The following EFCAB8 variants were observed in gnomAD, a reference collection of about 807,000 sequenced individuals.
The protein encoded by EFCAB8 is EF-hand calcium-binding domain-containing protein 8.
A neutral mutation model predicts 116.3 loss-of-function variants in EFCAB8; 100 were observed. The ratio of observed to expected loss-of-function variants is 0.86; its 90% CI spans 0.73 to 1.02. EFCAB8 has a LOEUF of 1.02. Among genes scored for constraint, EFCAB8 ranks in the 50% least tolerant of loss-of-function variants. EFCAB8 has a pLI of 0.00. For synonymous variants in EFCAB8, 558 were observed against 567.9 expected (o/e 0.98, Z 0.25); for missense variants, 1,320 against 1,416.9 (o/e 0.93, Z 1.10).
intron 9 of EFCAB8, 130 bp downstream of exon 9, chr20:32,893,428 C>A: frequency 2.2e-6 from 3 of 1,361,462 alleles, no homozygotes; most frequent in South Asian, 2.9e-5. Context: ...CGTCTGCTTC[C>A]AAGCGCAGGG....
rs1187822355 is a variant in EFCAB8 at position 32,961,089 on chromosome 20, G to A, written c.3394-47G>A. On this transcript the variant is annotated intron_variant, in intron 26 of 26. Coordinates refer to ENST00000400522, the MANE Select transcript of EFCAB8 (RefSeq NM_001143967.2). ...TCTACTCTTGATCCTGGGTGTCCCC[G>A]GCTCCAACTGGTGCCCCATTCCCGC... is the stretch of plus-strand genomic sequence containing the variant. The A allele has an allele frequency of 6.7e-6, 10 of 1,503,352 alleles. No individual in the cohort carries two copies. The Admixed American group carries it at 7.9e-5, about 12-fold the overall frequency. 93.1% of individuals were successfully genotyped at this position (1,503,352 alleles called of 1,614,324 possible).
chr20:32,903,426 C>T (rs1241369757), intron 11 of EFCAB8: 1 of 152,272 alleles, frequency 6.6e-6, no homozygotes, highest in East Asian at 1.9e-4. Flanking sequence ...TTCTGTGTGT[C>T]CACTTCCTCC....
At chr20:32,925,511 G>A (rs1987636441) in intron 20 of EFCAB8, among the ~76,000 whole-genome samples, 1 of 152,200 alleles carries the variant, frequency 6.6e-6, no homozygotes, top group Admixed American at 6.5e-5. Context: ...AAGCCACCAC[G>A]CCTAGCTAAT....
chr20:32,918,285 G>A (rs1987282183), intron 18 of EFCAB8, 77 bp from the exon 19 acceptor site: 1 of 1,417,964 alleles, frequency 7.1e-7, no homozygotes, highest in African/African-American at 1.4e-5. Context: ...CTGTGGTGTT[G>A]GCATTGATCT....
chr20:32,915,017 C>A (rs747445951), intron 17 of EFCAB8, among the ~76,000 whole-genome samples: 68 of 152,098 alleles, frequency 4.5e-4, no homozygotes, highest in Non-Finnish European at 7.2e-4. Context: ...CCCACCCCAG[C>A]CTCCAGAGTA....
At chr20:32,908,126 G>C (rs1025793608) in intron 13 of EFCAB8, 149 bp from the exon 14 acceptor site, 3 of 700,594 alleles carry the variant, frequency 4.3e-6, no homozygotes, top group Non-Finnish European at 6.0e-6. Flanking sequence ...TGCTGGGTGT[G>C]ACGGTGCCAA....
rs1441401538 is a variant in EFCAB8 at position 32,920,152 on chromosome 20, T to C, written c.2349T>C (p.Asp783=). ...GCAAACAGTCCATTTACAAAGAGGA[T>C]GAAACGAGAAAAGGAGAATGGCAGA... ...IHSKQSIYKE[D]ETRKGEWQKN... Residue 783 remains aspartate, a synonymous_variant, in exon 20 of 27, where the codon GAT becomes GAC. Coordinates refer to ENST00000400522, the MANE Select transcript of EFCAB8 (RefSeq NM_001143967.2). 3 of 1,551,584 alleles carry C rather than the reference T, an allele frequency of 1.9e-6. No individual in the cohort carries two copies. Among genetic ancestry groups the C allele is most frequent in the East Asian group, 4.9e-5 (2 of 40,914 alleles).
At chr20:32,908,204 C>T (rs1261415479) in intron 13 of EFCAB8, 71 bp from the exon 14 acceptor site, 10 of 1,242,986 alleles carry the variant, frequency 8.0e-6, no homozygotes, top group Non-Finnish European at 9.1e-6. Context: ...CGGAGGCACC[C>T]CCGAGGCTTC....
chr20:32,943,025 C>T (rs865950189), intron 22 of EFCAB8, among the ~76,000 whole-genome samples: 1 of 152,044 alleles, frequency 6.6e-6, no homozygotes, highest in Non-Finnish European at 1.5e-5. Context: ...CGAATAAGTC[C>T]TCCTTTATTA....
intron 22 of EFCAB8, among the ~76,000 whole-genome samples, chr20:32,934,287 T>TTC (rs1555867807): frequency 6.6e-6 from 1 of 151,988 alleles, no homozygotes; most frequent in Non-Finnish European, 1.5e-5. Flanking sequence ...GGATTTTTTT[T>TTC]CTCTTTTAAG....
chr20:32,960,276 C>T (rs1222573778), intron 26 of EFCAB8, 115 bp downstream of exon 26: 1 of 970,190 alleles, frequency 1.0e-6, no homozygotes, highest in Non-Finnish European at 1.6e-6. Flanking sequence ...GGACAGGAGC[C>T]TTTGTCCTTT....
Position 32,865,782 on chromosome 20 carries a change from G to A in EFCAB8, c.43-1800G>A, listed in dbSNP as rs1290219544. On this transcript the variant is annotated intron_variant, in intron 2 of 26. Transcript: ENST00000400522. ...CCACGCTCCAGCTGGGTGACAGAGT[G>A]AGACTCTGTCTCAAAAAAAAAAAAA... Among the ~76,000 whole-genome samples the A allele has an allele frequency of 3.3e-5, 5 of 149,546 alleles. No individual in the cohort carries two copies. The East Asian group carries it at 1.0e-3, about 30-fold the overall frequency.
intron 20 of EFCAB8, among the ~76,000 whole-genome samples, chr20:32,923,977 G>T (rs564311933): frequency 5.9e-5 from 9 of 152,296 alleles, no homozygotes; most frequent in African/African-American, 2.2e-4. Flanking sequence ...TTGCTATCTT[G>T]CATTATGTTT....
intron 5 of EFCAB8, among the ~76,000 whole-genome samples, chr20:32,879,867 G>C (rs1230561539): frequency 6.6e-6 from 1 of 152,118 alleles, no homozygotes; most frequent in Non-Finnish European, 1.5e-5. Flanking sequence ...TGCCCTATTT[G>C]GGGGTAGCAT....
intron 7 of EFCAB8, among the ~76,000 whole-genome samples, 185 bp downstream of exon 7, chr20:32,889,591 G>A (rs6058937): frequency 0.58 from 88,201 of 151,920 alleles, 27,224 homozygotes; most frequent in Middle Eastern, 0.73. Context: ...AATGAATACA[G>A]TGATGTTGAA....
In EFCAB8 at chr20:32,906,586, A is replaced by G. The variant is rs1407104687; in HGVS notation, c.1113A>G (p.Lys371=). 1 of 718,518 alleles carries G rather than the reference A, an allele frequency of 1.4e-6. No homozygotes were observed. The highest frequency in any genetic ancestry group is 1.5e-5 in the South Asian group (1 of 67,604). 44.5% of individuals were successfully genotyped at this position (718,518 alleles called of 1,614,324 possible). ...KPRLSVLRLR[K]GILCFDYCPD... The stretch of plus-strand genomic sequence containing the variant: ...GGTTGTCAGTGCTGCGTTTAAGGAA[A>G]GGGATTCTTTGCTTTGATTACTGCC... Residue 371 remains lysine, a synonymous_variant, in exon 12 of 27, where the codon AAA becomes AAG. Coordinates refer to ENST00000400522, the MANE Select transcript of EFCAB8 (RefSeq NM_001143967.2).
At chr20:32,884,842 G>A (rs1985526941) in intron 5 of EFCAB8, among the ~76,000 whole-genome samples, 1 of 152,188 alleles carries the variant, frequency 6.6e-6, no homozygotes, top group African/African-American at 2.4e-5. Context: ...TGGAGTGGCA[G>A]GGACTCTCAA....
chr20:32,869,503 T>A (rs1220783214), intron 3 of EFCAB8, among the ~76,000 whole-genome samples: 1 of 152,214 alleles, frequency 6.6e-6, no homozygotes, highest in Admixed American at 6.5e-5. Context: ...CCCAAAGTGC[T>A]GGGATTACAG....
intron 20 of EFCAB8, among the ~76,000 whole-genome samples, chr20:32,920,766 C>A (rs1048748326): frequency 6.6e-6 from 1 of 152,026 alleles, no homozygotes; most frequent in African/African-American, 2.4e-5. Context: ...CATATCAGCT[C>A]CCAAGGAGGT....
Sources: allele counts gnomAD v4.1 joint callset (sites outside exome capture counted in the v4.1 genomes callset), GRCh38; gene constraint gnomAD v4.1.1; transcripts MANE v1.5; gene names NCBI Gene and HGNC (gene_info 2026-07-23, HGNC 2026-07-21).